Variants in BACE1 observed in about 807,000 individuals in gnomAD.
BACE1 encodes APP beta-secretase.
BACE1 carries 21 observed loss-of-function variants against 54.0 expected under a neutral mutation model. The observed-to-expected ratio is 0.39, with a 90% confidence interval of 0.28 to 0.56. BACE1 has a LOEUF of 0.56. BACE1 is among the 20% of genes least tolerant of loss of function. BACE1 has a pLI of 0.63. For synonymous variants in BACE1, 232 were observed against 260.9 expected (o/e 0.89, Z 1.07); for missense variants, 511 against 661.2 (o/e 0.77, Z 2.49).
chr11:117,315,934 C>T lies in BACE1; in HGVS notation c.-139G>A. Reference sequence around the variant, plus strand: ...CATCAGGACGCCAGGGCCTGCAGGGCCCTGGGCCAGCCCCCGGGTCCGGGC... The same window carrying T: ...CATCAGGACGCCAGGGCCTGCAGGGTCCTGGGCCAGCCCCCGGGTCCGGGC... On this transcript the variant is annotated 5_prime_UTR_variant, in exon 1 of 9. Coordinates refer to ENST00000313005, the MANE Select transcript of BACE1 (RefSeq NM_012104.6). The surrounding 1 kb of genome is among the most constrained non-coding windows in gnomAD (Gnocchi z 5.5). The T allele has an allele frequency of 2.0e-6, 2 of 999,790 alleles. No homozygotes were observed. The highest frequency in any genetic ancestry group is 2.7e-6 in the Non-Finnish European group (2 of 742,332). 61.9% of individuals were successfully genotyped at this position (999,790 alleles called of 1,614,324 possible). A position where few individuals can be genotyped will look rare whatever the true frequency, so the allele number is the denominator to read the frequency against.
Position 117,293,283 on chromosome 11 carries a change from G to A in BACE1, c.706-95C>T, listed in dbSNP as rs1238653912. On this transcript the variant is annotated intron_variant, in intron 4 of 8. Transcript: ENST00000313005. This position sits in a 1 kb window ranked among gnomAD's most constrained non-coding sequence, Gnocchi z 4.1. ...AATAAGATCAGTGATTTCTTGGGGT[G>A]GCAAGGTCTTCTACAGGCTACCCTT... 4.4e-6 allele frequency: 6 copies of A among 1,366,630 alleles called. No homozygotes were observed. In the African/African-American group the frequency reaches 7.3e-5, roughly 17 times the overall value. The allele number at this position is 1,366,630 out of a possible 1,614,324, so 84.7% of individuals were successfully genotyped here. A position where few individuals can be genotyped will look rare whatever the true frequency, so the allele number is the denominator to read the frequency against.
chr11:117,305,640 C>T (rs1271664682), intron 1 of BACE1, among the ~76,000 whole-genome samples: 1 of 151,924 alleles, frequency 6.6e-6, no homozygotes, highest in African/African-American at 2.4e-5. Context: ...GCCTGTAACC[C>T]GGCTCAACTA....
At chr11:117,304,140 T>C (rs2034781728) in intron 1 of BACE1, among the ~76,000 whole-genome samples, 1 of 152,250 alleles carries the variant, frequency 6.6e-6, no homozygotes, top group Non-Finnish European at 1.5e-5. Flanking sequence ...GGCAACAGGA[T>C]ATCAGCAAAT....
intron 6 of BACE1, 143 bp downstream of exon 6, chr11:117,291,568 GC>G (rs2034437796): frequency 1.7e-6 from 1 of 583,640 alleles, no homozygotes. Flanking sequence ...GAGCCACCAC[GC>G]CTGGCTAGGG....
rs1359743642 is a variant in BACE1, at chr11:117,287,822, CTTGTT to C, written c.*1739_*1743del. On this transcript the variant is annotated 3_prime_UTR_variant, in exon 9 of 9. Transcript: ENST00000313005. ...CCAGATAAAAAACTGACTCAGTATT[CTTGTT>C]TTATTGGTTTATGGCTTGTGGGCAG... 3 of 152,656 alleles carry C rather than the reference CTTGTT, an allele frequency of 2.0e-5. No individual in the cohort carries two copies. Among genetic ancestry groups the C allele is most frequent in the Non-Finnish European group, 4.4e-5 (3 of 68,046 alleles). 9.5% of individuals were successfully genotyped at this position (152,656 alleles called of 1,614,324 possible). A position where few individuals can be genotyped will look rare whatever the true frequency, so the allele number is the denominator to read the frequency against.
At chr11:117,303,289 T>G (rs1219442049) in intron 1 of BACE1, among the ~76,000 whole-genome samples, 1 of 152,186 alleles carries the variant, frequency 6.6e-6, no homozygotes, top group Non-Finnish European at 1.5e-5. Flanking sequence ...CCCAGGGAGC[T>G]GCAGCCTGGG....
rs768578636 is a variant in BACE1 at position 117,290,950 on chromosome 11, G to A, written c.1042C>T (p.Leu348=). The change falls in exon 7 of 9, where the codon CTA becomes TTA. Residue 348 remains leucine (L), a synonymous_variant. Transcript: ENST00000313005. The stretch of plus-strand genomic sequence containing the variant: ...GACTGGTTGGTAACCTCACCCATTA[G>A]GTAGAGTGAGATGACTGGGAAAATG... The part of the protein sequence containing the change: ...WNIFPVISLY[L]MGEVTNQSFR... 4 of 1,614,176 alleles carry A rather than the reference G, an allele frequency of 2.5e-6. No homozygotes were observed. Among genetic ancestry groups the A allele is most frequent in the Non-Finnish European group, 3.4e-6 (4 of 1,180,014 alleles).
At chr11:117,297,233 A>C (rs1307553333) in intron 1 of BACE1, 5 of 414,824 alleles carry the variant, frequency 1.2e-5, no homozygotes, top group Non-Finnish European at 2.1e-5. Flanking sequence ...GATTAGTAGA[A>C]GAACTAATAT....
intron 1 of BACE1, among the ~76,000 whole-genome samples, chr11:117,309,652 T>A (rs1266146043): frequency 2.6e-5 from 4 of 152,240 alleles, no homozygotes; most frequent in Non-Finnish European, 4.4e-5. Flanking sequence ...AGATCCACTG[T>A]TTCACTATTT....
At chr11:117,309,585 C>A (rs1025483787) in intron 1 of BACE1, among the ~76,000 whole-genome samples, 1 of 152,222 alleles carries the variant, frequency 6.6e-6, no homozygotes, top group African/African-American at 2.4e-5. Flanking sequence ...CCTCCTTTTC[C>A]AGCAAGCTGT....
chr11:117,295,786 G>T, intron 2 of BACE1: 1 of 1,199,950 alleles, frequency 8.3e-7, no homozygotes, highest in Non-Finnish European at 1.1e-6. Context: ...GTGCCAGGCA[G>T]GGTGAATGTG....
At chr11:117,300,983 C>T (rs1237366113) in intron 1 of BACE1, among the ~76,000 whole-genome samples, 9 of 152,216 alleles carry the variant, frequency 5.9e-5, no homozygotes, top group Non-Finnish European at 1.2e-4. Flanking sequence ...TCACCTCCCA[C>T]GCATTCCTCA....
At chr11:117,296,574 C>G (rs2034605735) in intron 2 of BACE1, among the ~76,000 whole-genome samples, 1 of 152,124 alleles carries the variant, frequency 6.6e-6, no homozygotes, top group Non-Finnish European at 1.5e-5. Context: ...AAATGGGCCC[C>G]CTAAGATTGT....
Position 117,291,061 on chromosome 11 carries a change from A to G in BACE1, c.943-12T>C, listed in dbSNP as rs771125234. Reference sequence around the variant, plus strand: ...GGGAACTTCTCCGTCTGTGTTGGCAAGAAGGGGATAACAATGAGGAAAAGC... The same window carrying G: ...GGGAACTTCTCCGTCTGTGTTGGCAGGAAGGGGATAACAATGAGGAAAAGC... On this transcript the variant is annotated splice_polypyrimidine_tract_variant and intron_variant, in intron 6 of 8. Coordinates refer to ENST00000313005, the MANE Select transcript of BACE1 (RefSeq NM_012104.6). 8.1e-6 allele frequency: 13 copies of G among 1,613,670 alleles called. No individual in the cohort carries two copies. The highest frequency in any genetic ancestry group is 8.5e-6 in the Non-Finnish European group (10 of 1,179,802).
chr11:117,300,728 A>G (rs1479290539), intron 1 of BACE1, among the ~76,000 whole-genome samples: 2 of 148,208 alleles, frequency 1.3e-5, no homozygotes, highest in East Asian at 3.9e-4. Context: ...CTGGGGAGTC[A>G]AGTCCCTCCT....
chr11:117,299,450 C>T (rs928029021), intron 1 of BACE1, among the ~76,000 whole-genome samples: 3 of 152,092 alleles, frequency 2.0e-5, no homozygotes, highest in African/African-American at 7.2e-5. Context: ...CTCTCTGGCT[C>T]CTTCCTGCTC....
intron 6 of BACE1, 58 bp downstream of exon 6, chr11:117,291,654 T>C: frequency 7.8e-7 from 1 of 1,277,956 alleles, no homozygotes; most frequent in South Asian, 1.2e-5. Context: ...AATGTGACTC[T>C]CACCGCCTCC....
At chr11:117,290,418 AT>A (rs2034388643) in intron 8 of BACE1, 69 bp downstream of exon 8, 3 of 1,561,508 alleles carry the variant, frequency 1.9e-6, no homozygotes, top group Non-Finnish European at 2.6e-6. Flanking sequence ...GGACCCAGGT[AT>A]ACTAACTGTT....
intron 2 of BACE1, 198 bp from the exon 3 acceptor site, chr11:117,295,545 C>T (rs780687954): frequency 3.3e-6 from 5 of 1,535,652 alleles, no homozygotes; most frequent in African/African-American, 2.7e-5. Flanking sequence ...TGAAGGGAAC[C>T]ATTGGTGAGG....
Sources: gnomAD v4.1 joint callset for allele counts (sites outside exome capture counted in the v4.1 genomes callset) on GRCh38, gnomAD v4.1.1 for gene constraint, Gnocchi (gnomAD v3.1) non-coding constraint, MANE v1.5 for transcripts, NCBI Gene and HGNC (gene_info 2026-07-23, HGNC 2026-07-21) for gene names.